Variants in NKAIN2 observed in about 807,000 individuals in gnomAD.
NKAIN2 encodes sodium/potassium-transporting ATPase subunit beta-1-interacting protein 2.
In NKAIN2, 14 loss-of-function variants were observed where a neutral mutation model predicts 32.6. That is an observed-to-expected ratio of 0.43 (90% CI 0.28 to 0.67). The LOEUF (loss-of-function observed/expected upper bound fraction) is 0.67. Ranked by LOEUF, NKAIN2 falls within the 30% of genes least tolerant of loss-of-function variation. The pLI is 0.17. For synonymous variants in NKAIN2, 80 were observed against 87.2 expected (o/e 0.92, Z 0.46); for missense variants, 198 against 258.3 (o/e 0.77, Z 1.60).
chr6:124,779,325 AAGG>A (rs1281116740), intron 4 of NKAIN2, among the ~76,000 whole-genome samples: 1 of 69,856 alleles, frequency 1.4e-5, no homozygotes, highest in Non-Finnish European at 3.0e-5. Context: ...GGAGGGAAGG[AAGG>A]AAGGAAGGAA....
chr6:124,528,664 C>T (rs1779408751), intron 3 of NKAIN2, among the ~76,000 whole-genome samples: 2 of 152,124 alleles, frequency 1.3e-5, no homozygotes, highest in African/African-American at 2.4e-5. Context: ...GAATTAATAA[C>T]ACTGCTGCAT....
chr6:124,146,744 A>AGTAGAGTTTG (rs1787428832), intron 1 of NKAIN2, among the ~76,000 whole-genome samples: 1 of 152,232 alleles, frequency 6.6e-6, no homozygotes, highest in Non-Finnish European at 1.5e-5. Context: ...CCACAAACAC[A>AGTAGAGTTTG]AATCACAAAA....
intron 2 of NKAIN2, among the ~76,000 whole-genome samples, chr6:124,287,696 C>A (rs965075245): frequency 6.6e-6 from 1 of 151,998 alleles, no homozygotes; most frequent in African/African-American, 2.4e-5. Flanking sequence ...CCCAGGAAAG[C>A]ATTATTTTAC....
chr6:123,938,545 T>C (rs1329145917), intron 1 of NKAIN2, among the ~76,000 whole-genome samples: 1 of 137,020 alleles, frequency 7.3e-6, no homozygotes, highest in Non-Finnish European at 1.6e-5. Context: ...TTTTATATAT[T>C]ATATATTTAT....
chr6:124,341,798 G>A (rs1451543878), intron 2 of NKAIN2, among the ~76,000 whole-genome samples: 1 of 152,098 alleles, frequency 6.6e-6, no homozygotes, highest in Non-Finnish European at 1.5e-5. Flanking sequence ...TTTTCTTAAG[G>A]GACAGGTTTA....
chr6:124,397,076 A>G (rs1005557758), intron 3 of NKAIN2, among the ~76,000 whole-genome samples: 1 of 152,122 alleles, frequency 6.6e-6, no homozygotes, highest in Non-Finnish European at 1.5e-5. Flanking sequence ...GATAAAATAA[A>G]TATGGGCCTT....
chr6:124,129,128 C>T (rs1036479197), intron 1 of NKAIN2, among the ~76,000 whole-genome samples: 1 of 152,096 alleles, frequency 6.6e-6, no homozygotes, highest in Non-Finnish European at 1.5e-5. Flanking sequence ...ATTGTCAGTA[C>T]GTTTTGGATT....
At chr6:123,878,288 T>C (rs1773271045) in intron 1 of NKAIN2, among the ~76,000 whole-genome samples, 1 of 152,290 alleles carries the variant, frequency 6.6e-6, no homozygotes, top group East Asian at 1.9e-4. Flanking sequence ...TCTGAGGTAA[T>C]TTTTCCCTTA....
intron 1 of NKAIN2, among the ~76,000 whole-genome samples, chr6:124,154,417 A>G (rs1582750978): frequency 6.6e-6 from 1 of 151,904 alleles, no homozygotes; most frequent in African/African-American, 2.4e-5. Flanking sequence ...TGTTTGAGAC[A>G]TTTCAGATAT....
At chr6:123,847,793 C>T (rs1378720875) in intron 1 of NKAIN2, among the ~76,000 whole-genome samples, 2 of 152,104 alleles carry the variant, frequency 1.3e-5, no homozygotes, top group Non-Finnish European at 2.9e-5. Context: ...AAACTTTATA[C>T]TGGCTGCAGT....
intron 1 of NKAIN2, among the ~76,000 whole-genome samples, chr6:123,971,346 A>G (rs562956487): frequency 6.6e-6 from 1 of 151,430 alleles, no homozygotes; most frequent in African/African-American, 2.4e-5. Flanking sequence ...ATTATATAAA[A>G]TATATTAATA....
At chr6:123,978,314 T>C (rs969912239) in intron 1 of NKAIN2, among the ~76,000 whole-genome samples, 5 of 152,182 alleles carry the variant, frequency 3.3e-5, no homozygotes, top group African/African-American at 1.2e-4. Context: ...TTTAAACTTA[T>C]TGCTGCTGTG....
intron 2 of NKAIN2, among the ~76,000 whole-genome samples, chr6:124,343,298 C>T (rs1202111424): frequency 1.3e-5 from 2 of 151,696 alleles, no homozygotes; most frequent in African/African-American, 4.8e-5. Context: ...CATACGTGTG[C>T]ATGTGTCTTT....
intron 1 of NKAIN2, among the ~76,000 whole-genome samples, chr6:124,279,210 G>T (rs7747833): frequency 2.0e-5 from 3 of 151,816 alleles, no homozygotes; most frequent in Non-Finnish European, 4.4e-5. Flanking sequence ...TTTTCTCTAC[G>T]TTTATTAAGA....
At chr6:124,437,665 A>G (rs1434139523) in intron 3 of NKAIN2, among the ~76,000 whole-genome samples, 3 of 152,146 alleles carry the variant, frequency 2.0e-5, no homozygotes, top group Non-Finnish European at 2.9e-5. Context: ...TCACAGTCTA[A>G]TCCTAGAAAC....
intron 2 of NKAIN2, among the ~76,000 whole-genome samples, chr6:124,338,819 G>T (rs1797992181): frequency 6.6e-6 from 1 of 152,190 alleles, no homozygotes; most frequent in Non-Finnish European, 1.5e-5. Context: ...GCAATGGACT[G>T]ATTCTGAAGT....
intron 4 of NKAIN2, among the ~76,000 whole-genome samples, chr6:124,701,490 TAAAC>T (rs2114569962): frequency 6.6e-6 from 1 of 152,224 alleles, no homozygotes; most frequent in South Asian, 2.1e-4. Flanking sequence ...TTATAAAAAT[TAAAC>T]AATACAAACT....
chr6:124,481,787 G>A (rs994857037), intron 3 of NKAIN2, among the ~76,000 whole-genome samples: 10 of 152,082 alleles, frequency 6.6e-5, no homozygotes, highest in African/African-American at 2.4e-4. Flanking sequence ...GATCCTGAGA[G>A]ACTTGAGTGT....
In NKAIN2 at chr6:124,458,940, G is replaced by A. The variant is rs140875078; in HGVS notation, c.273+103593G>A. ...TCCCACTATTGTAGGAACTGAGAGA[G>A]TTTCTTCTACAGGTCCTTGTGACCA... On this transcript the variant is annotated intron_variant, in intron 3 of 6. Transcript: ENST00000368417. Among the ~76,000 whole-genome samples the A allele has an allele frequency of 3.5e-4, 53 of 151,950 alleles. 1 individual carries two copies. The highest frequency in any genetic ancestry group is 1.3e-3 in the African/African-American group (52 of 41,506).
Sources: gnomAD v4.1 joint callset for allele counts (sites outside exome capture counted in the v4.1 genomes callset) on GRCh38, gnomAD v4.1.1 for gene constraint, MANE v1.5 for transcripts, NCBI Gene and HGNC (gene_info 2026-07-23, HGNC 2026-07-21) for gene names.